Variants in PLXDC1 observed in about 807,000 individuals in gnomAD.
PLXDC1 encodes plexin domain-containing protein 1.
In PLXDC1, 39 loss-of-function variants were observed where a neutral mutation model predicts 61.3. The observed-to-expected ratio is 0.64, with a 90% confidence interval of 0.49 to 0.83. PLXDC1 has a LOEUF of 0.83. Among genes scored for constraint, PLXDC1 ranks in the 40% least tolerant of loss-of-function variants. The pLI, the probability that PLXDC1 is intolerant of heterozygous loss-of-function variation, is 0.00. For missense variants in PLXDC1, 596 were observed against 666.5 expected, an observed-to-expected ratio of 0.89 and a Z score of 1.17; for synonymous variants, 212 against 254.5, an observed-to-expected ratio of 0.83 and a Z score of 1.59.
At chr17:39,088,963 A>AGAGAG (rs1555570851) in intron 7 of PLXDC1, among the ~76,000 whole-genome samples, 2 of 119,600 alleles carry the variant, frequency 1.7e-5, no homozygotes, top group African/African-American at 6.9e-5. Flanking sequence ...AAAAAAAAAA[A>AGAGAG]AGAGAGAGAG....
intron 1 of PLXDC1, among the ~76,000 whole-genome samples, chr17:39,149,403 T>C (rs941736966): frequency 3.9e-5 from 6 of 152,056 alleles, no homozygotes; most frequent in Non-Finnish European, 5.9e-5. Context: ...ACATCTGGCC[T>C]CCCCAGACAC....
At chr17:39,128,107 A>ATATATATATATACATACATATATATG (rs1291982693) in intron 2 of PLXDC1, among the ~76,000 whole-genome samples, 2 of 100,630 alleles carry the variant, frequency 2.0e-5, no homozygotes, top group African/African-American at 8.6e-5. Flanking sequence ...GTATATATAT[A>ATATATATATATACATACATATATATG]TATATATGTA....
At chr17:39,121,187 T>A (rs1006559635) in intron 2 of PLXDC1, among the ~76,000 whole-genome samples, 2 of 152,196 alleles carry the variant, frequency 1.3e-5, no homozygotes, top group Non-Finnish European at 2.9e-5. Context: ...CTTTAACCAA[T>A]TGCAAATTAA....
intron 2 of PLXDC1, among the ~76,000 whole-genome samples, chr17:39,117,535 A>G (rs921297396): frequency 7.2e-5 from 11 of 151,986 alleles, no homozygotes; most frequent in African/African-American, 2.7e-4. Flanking sequence ...GTTCAAGACC[A>G]GCTTGGGCAA....
At chr17:39,117,627 A>G (rs1598204382) in intron 2 of PLXDC1, among the ~76,000 whole-genome samples, 2 of 152,152 alleles carry the variant, frequency 1.3e-5, no homozygotes, top group African/African-American at 4.8e-5. Context: ...CTGTAGTCCC[A>G]GCTACTTGTG....
intron 2 of PLXDC1, 66 bp from the exon 3 acceptor site, chr17:39,109,457 G>A (rs933580263): frequency 2.4e-5 from 36 of 1,517,770 alleles, no homozygotes; most frequent in Admixed American, 1.9e-4. Context: ...CTGACTCTCC[G>A]CCCTTCCCCA....
chr17:39,133,886 C>T (rs142412469), intron 2 of PLXDC1, among the ~76,000 whole-genome samples: 144 of 152,218 alleles, frequency 9.5e-4, no homozygotes, highest in African/African-American at 3.3e-3. Context: ...CTCAGCATCC[C>T]GAAGTGCTGG....
chr17:39,134,771 A>G (rs1243707191), intron 2 of PLXDC1, among the ~76,000 whole-genome samples: 1 of 151,880 alleles, frequency 6.6e-6, no homozygotes, highest in Non-Finnish European at 1.5e-5. Context: ...CCTCTTCACC[A>G]CCCCAGCTGC....
chr17:39,120,754 G>T (rs1433144443), intron 2 of PLXDC1, among the ~76,000 whole-genome samples: 1 of 138,934 alleles, frequency 7.2e-6, no homozygotes, highest in Non-Finnish European at 1.5e-5. Context: ...ACCACACCCA[G>T]CTAATTTTTT....
chr17:39,080,293 G>A (rs1403383592), intron 9 of PLXDC1: 1 of 148,838 alleles, frequency 6.7e-6, no homozygotes, highest in East Asian at 2.0e-4. Flanking sequence ...AAAAAAAATA[G>A]TTTCTTTTAG....
intron 2 of PLXDC1, among the ~76,000 whole-genome samples, chr17:39,128,097 G>GTATATATATATACATATATA: frequency 1.5e-5 from 1 of 67,500 alleles, no homozygotes; most frequent in South Asian, 4.8e-4. Context: ...CTCTCTATGT[G>GTATATATATATACATATATA]TATATATATA....
At chr17:39,152,778 A>C, upstream of PLXDC1, 1 of 881,778 alleles carries the variant, frequency 1.1e-6, no homozygotes, top group Non-Finnish European at 1.5e-6. Flanking sequence ...GTTAAAAAAA[A>C]AAAAAAGAAA....
intron 9 of PLXDC1, among the ~76,000 whole-genome samples, chr17:39,082,794 A>T (rs139464326): frequency 6.6e-6 from 1 of 152,328 alleles, no homozygotes; most frequent in East Asian, 1.9e-4. Flanking sequence ...GCTGAGTCTA[A>T]TCTGTGAGGA....
chr17:39,095,915 T>A (rs1910177459), intron 7 of PLXDC1, among the ~76,000 whole-genome samples: 1 of 152,182 alleles, frequency 6.6e-6, no homozygotes, highest in Non-Finnish European at 1.5e-5. Context: ...TCCACCCGCC[T>A]CGGCCTCTCA....
chr17:39,133,838 G>A (rs1450660084), intron 2 of PLXDC1, among the ~76,000 whole-genome samples: 1 of 152,102 alleles, frequency 6.6e-6, no homozygotes. Context: ...TGTTGCCCAG[G>A]CTGGTCTTAA....
At chr17:39,104,362 C>A (rs979792898) in intron 7 of PLXDC1, among the ~76,000 whole-genome samples, 1 of 152,150 alleles carries the variant, frequency 6.6e-6, no homozygotes, top group African/African-American at 2.4e-5. Flanking sequence ...CCTAACACTC[C>A]ACTGAACTTT....
chr17:39,103,850 A>C (rs1910506034), intron 7 of PLXDC1, among the ~76,000 whole-genome samples: 1 of 151,648 alleles, frequency 6.6e-6, no homozygotes. Context: ...TGTCTCAAAA[A>C]AAAAAAAAAA....
intron 7 of PLXDC1, among the ~76,000 whole-genome samples, chr17:39,090,879 C>T (rs1909922797): frequency 1.1e-5 from 1 of 91,608 alleles, no homozygotes; most frequent in South Asian, 3.8e-4. Context: ...CTCTGTCTTT[C>T]TCCCTCTGTC....
intron 2 of PLXDC1, among the ~76,000 whole-genome samples, chr17:39,114,477 T>G (rs1334177895): frequency 6.6e-6 from 1 of 152,248 alleles, no homozygotes; most frequent in African/African-American, 2.4e-5. Flanking sequence ...TTTCTCCTGG[T>G]GTTTTGCACA....
Sources: gnomAD v4.1 joint callset for allele counts (sites outside exome capture counted in the v4.1 genomes callset) on GRCh38, gnomAD v4.1.1 for gene constraint, MANE v1.5 for transcripts, NCBI Gene and HGNC (gene_info 2026-07-23, HGNC 2026-07-21) for gene names.